The following ACACA variants were observed in gnomAD, a reference collection of about 807,000 sequenced individuals.
ACACA encodes acetyl-CoA carboxylase 1.
In ACACA, 103 loss-of-function variants were observed where a neutral mutation model predicts 296.1. That is an observed-to-expected ratio of 0.35 (90% confidence interval 0.30 to 0.41). ACACA has a LOEUF of 0.41. ACACA is among the 10% of genes least tolerant of loss of function. The pLI, the probability that ACACA is intolerant of heterozygous loss-of-function variation, is 1.00. For missense variants in ACACA, 1,554 were observed against 2,989.7 expected, an observed-to-expected ratio of 0.52 and a Z score of 11.20; for synonymous variants, 953 against 1,038.6, an observed-to-expected ratio of 0.92 and a Z score of 1.58.
intron 2 of ACACA, among the ~76,000 whole-genome samples, 162 bp downstream of exon 2, chr17:37,339,642 A>G (rs1023237488): frequency 1.3e-5 from 2 of 152,226 alleles, no homozygotes; most frequent in Non-Finnish European, 2.9e-5. Flanking sequence ...ACAGTTGAGT[A>G]CCATTGTTAG....
chr17:37,171,390 C>T (rs1468082913), intron 41 of ACACA, among the ~76,000 whole-genome samples: 1 of 152,078 alleles, frequency 6.6e-6, no homozygotes, highest in Non-Finnish European at 1.5e-5. Context: ...CAAAATGTTA[C>T]CTCTTTCCCC....
In ACACA at chr17:37,341,705, A is replaced by T. The variant is rs908042493; in HGVS notation, c.39-1855T>A. ...ACTCTGTCTCAAAAAAAAAAAAAAA[A>T]GCCTTAAAGCCACAACTAATCCTTA... On this transcript the variant is annotated intron_variant, in intron 1 of 55. Coordinates refer to ENST00000616317, the MANE Select transcript of ACACA (RefSeq NM_198834.3). Among the ~76,000 whole-genome samples, 5 of 151,004 alleles carry T rather than the reference A, an allele frequency of 3.3e-5. No individual in the cohort carries two copies. In the South Asian group the frequency reaches 6.3e-4, roughly 19 times the overall value.
chr17:37,182,630 A>G (rs986849993), intron 39 of ACACA, among the ~76,000 whole-genome samples: 14 of 152,228 alleles, frequency 9.2e-5, no homozygotes, highest in Admixed American at 6.5e-5. Context: ...TCATGCATGG[A>G]TACATAAAAT....
intron 1 of ACACA, chr17:37,358,879 C>T (rs541905083): frequency 1.6e-5 from 15 of 924,462 alleles, no homozygotes; most frequent in Admixed American, 1.2e-4. Context: ...TAGTGTGGAG[C>T]CCAGGCCGCG....
intron 1 of ACACA, chr17:37,386,948 G>C (rs997562400): frequency 3.3e-5 from 5 of 152,328 alleles, no homozygotes; most frequent in African/African-American, 1.2e-4. Context: ...CTCCTGAGTA[G>C]CTGGGACTAC....
intron 33 of ACACA, among the ~76,000 whole-genome samples, chr17:37,203,025 C>CA (rs2078338441): frequency 6.7e-6 from 1 of 149,422 alleles, no homozygotes; most frequent in Non-Finnish European, 1.5e-5. Context: ...TGCAGTGGTG[C>CA]AATCTCGGCT....
Position 37,161,909 on chromosome 17 carries a change from C to T in ACACA, c.5221G>A (p.Glu1741Lys), listed in dbSNP as rs2076476115. 1.2e-6 allele frequency: 2 copies of T among 1,614,154 alleles called. No individual in the cohort carries two copies. Among genetic ancestry groups the T allele is most frequent in the Non-Finnish European group, 1.7e-6 (2 of 1,180,026 alleles). Residue 1741 changes from glutamate to lysine, a missense_variant, in exon 42 of 56, where the codon GAA becomes AAA. Around this residue, in one of 16 missense-constraint regions of ACACA, gnomAD observed 553 missense variants for 1,043.6 expected, o/e 0.53. Transcript: ENST00000616317. ...GGAATACCTTCTGCCCTAGCAAGTT[C>T]GGAAGCTCTGAGAAATAACAAATCC... ...QEDLLFLRASELARAEGIPRI... is the reference protein window; with the variant it reads ...QEDLLFLRASKLARAEGIPRI...
chr17:37,278,336 C>A (rs2082361537), intron 5 of ACACA, among the ~76,000 whole-genome samples: 1 of 152,100 alleles, frequency 6.6e-6, no homozygotes, highest in Non-Finnish European at 1.5e-5. Context: ...TTACTCTATT[C>A]CGAGAAAAAG....
intron 14 of ACACA, among the ~76,000 whole-genome samples, chr17:37,256,411 G>A (rs1019782422): frequency 4.6e-5 from 7 of 152,150 alleles, no homozygotes; most frequent in African/African-American, 1.7e-4. Context: ...ACAAAATAGA[G>A]AAATAATGAG....
intron 24 of ACACA, 111 bp from the exon 25 acceptor site, chr17:37,235,210 C>T: frequency 1.5e-6 from 2 of 1,372,822 alleles, no homozygotes; most frequent in Non-Finnish European, 2.0e-6. Flanking sequence ...GAAGAAACAT[C>T]ATAAGGATTT....
At chr17:37,312,950 T>C (rs1349849557) in intron 3 of ACACA, among the ~76,000 whole-genome samples, 4 of 152,124 alleles carry the variant, frequency 2.6e-5, no homozygotes, top group African/African-American at 9.7e-5. Flanking sequence ...CATGATACAT[T>C]TGGCAGATCA....
Position 37,094,512 on chromosome 17 carries a change from T to G in ACACA, c.6891+2484A>C, listed in dbSNP as rs1052210943. ...CCTGGTGCAAAGCCAGGGTCTAGAC[T>G]CAGCCAGTCTTTGCACTTGAGAAAC... On this transcript the variant is annotated intron_variant, in intron 54 of 55. Transcript: ENST00000616317. Among the ~76,000 whole-genome samples, 9 of 151,326 alleles carry G rather than the reference T, an allele frequency of 5.9e-5. No individual in the cohort carries two copies. The South Asian group carries it at 1.9e-3, about 32-fold the overall frequency.
intron 41 of ACACA, among the ~76,000 whole-genome samples, chr17:37,175,710 C>T (rs781597850): frequency 6.6e-6 from 1 of 152,158 alleles, no homozygotes; most frequent in African/African-American, 2.4e-5. Flanking sequence ...CTGCAAGTAA[C>T]GTAGTTCACA....
chr17:37,150,045 A>G, intron 44 of ACACA, 71 bp from the exon 45 acceptor site: 1 of 1,365,670 alleles, frequency 7.3e-7, no homozygotes, highest in Non-Finnish European at 1.0e-6. Flanking sequence ...TAAGGCATAG[A>G]TAAGTAAAAT....
chr17:37,187,831 G>GA (rs1358268946), intron 39 of ACACA, among the ~76,000 whole-genome samples: 11 of 152,290 alleles, frequency 7.2e-5, no homozygotes, highest in Admixed American at 7.2e-4. Context: ...ATACTATGTT[G>GA]AAATTTTCCT....
At chr17:37,129,706 T>C (rs2074998339) in intron 46 of ACACA, among the ~76,000 whole-genome samples, 1 of 152,196 alleles carries the variant, frequency 6.6e-6, no homozygotes, top group Non-Finnish European at 1.5e-5. Context: ...TGGTGTGTTT[T>C]GACTCTTGAT....
In ACACA at chr17:37,248,575, C is replaced by A. The variant is rs1275805774; in HGVS notation, c.2163+18G>T. 7 of 1,566,088 alleles carry A rather than the reference C, an allele frequency of 4.5e-6. No individual in the cohort carries two copies. In the Admixed American group the frequency reaches 1.2e-4, roughly 26 times the overall value. ...AGCTAAAAAAGTAAGGTGCAAGCTCCAATGGGGTTCTGCATACCTTAAGTA... is the reference window on the plus strand; with the variant it reads ...AGCTAAAAAAGTAAGGTGCAAGCTCAAATGGGGTTCTGCATACCTTAAGTA... On this transcript the variant is annotated intron_variant, in intron 17 of 55. Transcript: ENST00000616317.
intron 40 of ACACA, among the ~76,000 whole-genome samples, chr17:37,180,536 T>G (rs984045595): frequency 6.6e-6 from 1 of 152,212 alleles, no homozygotes; most frequent in Non-Finnish European, 1.5e-5. Context: ...TCTTTACTGG[T>G]TGCATTTTCT....
intron 1 of ACACA, chr17:37,367,652 G>A (rs2049654346): frequency 6.6e-6 from 1 of 152,230 alleles, no homozygotes. Context: ...CTGGCACAGA[G>A]CTTGTTAGAT....
Sources: gnomAD v4.1 joint callset for allele counts (sites outside exome capture counted in the v4.1 genomes callset) on GRCh38, gnomAD v4.1.1 for gene constraint, gnomAD v4.1.1 regional missense constraint, MANE v1.5 for transcripts, NCBI Gene and HGNC (gene_info 2026-07-23, HGNC 2026-07-21) for gene names.